The following MDN1 variants were observed in gnomAD, a reference collection of about 807,000 sequenced individuals.
MDN1 encodes midasin.
Under a neutral mutation model 669.2 loss-of-function variants are expected in MDN1, and 266 were observed. That is an observed-to-expected ratio of 0.40 (90% CI 0.36 to 0.44). The LOEUF (loss-of-function observed/expected upper bound fraction) is 0.44, where lower values mean the gene tolerates loss of function less well. Ranked by LOEUF, MDN1 falls within the 20% of genes least tolerant of loss-of-function variation. MDN1 has a pLI of 1.00. For missense variants in MDN1, 5,940 were observed against 6,754.0 expected, an observed-to-expected ratio of 0.88 and a Z score of 4.22; for synonymous variants, 2,385 against 2,457.1, an observed-to-expected ratio of 0.97 and a Z score of 0.87.
chr6:89,728,342 T>A (rs1392386707), intron 36 of MDN1, among the ~76,000 whole-genome samples: 1 of 151,832 alleles, frequency 6.6e-6, no homozygotes, highest in African/African-American at 2.4e-5. Context: ...TACCACTTTT[T>A]AAAAAAAAAT....
At chr6:89,650,338 T>A (rs1051805413) in intron 96 of MDN1, 140 bp from the exon 97 acceptor site, 1 of 795,862 alleles carries the variant, frequency 1.3e-6, no homozygotes, top group African/African-American at 1.7e-5. Flanking sequence ...TTTCTGTCAA[T>A]TGACGACTAA....
At chr6:89,730,524 A>C (rs1408715933) in intron 35 of MDN1, among the ~76,000 whole-genome samples, 1 of 152,222 alleles carries the variant, frequency 6.6e-6, no homozygotes, top group East Asian at 1.9e-4. Context: ...TTATAGATTG[A>C]AGTCTCTATT....
chr6:89,724,201 G>A (rs1186908695), intron 38 of MDN1, among the ~76,000 whole-genome samples: 1 of 152,038 alleles, frequency 6.6e-6, no homozygotes, highest in Non-Finnish European at 1.5e-5. Context: ...AATGTAAAAT[G>A]CTTTTAAATC....
rs190853443 is a variant in MDN1 at position 89,744,217 on chromosome 6, C to T, written c.4179-503G>A. ...CACTAGTTTATCTCTTCTCTACACACGTATAGAATGAATCTCACTGTTTAA... is the reference window on the plus strand; with the variant it reads ...CACTAGTTTATCTCTTCTCTACACATGTATAGAATGAATCTCACTGTTTAA... On this transcript the variant is annotated intron_variant, in intron 29 of 101. Transcript: ENST00000369393. Among the ~76,000 whole-genome samples, 22 of 150,608 alleles carry T rather than the reference C, an allele frequency of 1.5e-4. 1 individual carries two copies. The East Asian group carries it at 4.1e-3, about 28-fold the overall frequency.
At chr6:89,736,562 A>C (rs940563665) in intron 33 of MDN1, among the ~76,000 whole-genome samples, 1 of 152,152 alleles carries the variant, frequency 6.6e-6, no homozygotes, top group Non-Finnish European at 1.5e-5. Flanking sequence ...AGGGCAAAGC[A>C]GGCGGGTCAC....
chr6:89,728,334 C>T (rs983546309), intron 36 of MDN1, among the ~76,000 whole-genome samples: 1 of 152,040 alleles, frequency 6.6e-6, no homozygotes, highest in Non-Finnish European at 1.5e-5. Context: ...TTTATTTCTA[C>T]CACTTTTTAA....
intron 36 of MDN1, among the ~76,000 whole-genome samples, chr6:89,728,448 T>A (rs144093120): frequency 6.6e-6 from 1 of 152,316 alleles, no homozygotes; most frequent in Admixed American, 6.5e-5. Flanking sequence ...CAGAGAGAAT[T>A]AATATTATAG....
intron 9 of MDN1, among the ~76,000 whole-genome samples, chr6:89,783,897 G>A (rs12196083): frequency 0.11 from 17,024 of 151,718 alleles, 1,268 homozygotes; most frequent in Middle Eastern, 0.21. Context: ...CAGGAGAATC[G>A]CTTGAATATG....
chr6:89,707,736 G>A (rs1196974988), intron 51 of MDN1, among the ~76,000 whole-genome samples: 1 of 152,204 alleles, frequency 6.6e-6, no homozygotes, highest in Admixed American at 6.5e-5. Flanking sequence ...ACTGCACCGT[G>A]AACTCTTCAA....
intron 17 of MDN1, among the ~76,000 whole-genome samples, chr6:89,760,071 C>CAA (rs201177302): frequency 6.8e-6 from 1 of 146,720 alleles, no homozygotes. Context: ...GACTCTGTCT[C>CAA]AAAAAAAAAT....
intron 2 of MDN1, among the ~76,000 whole-genome samples, chr6:89,798,181 C>CAAAAAAAAA (rs10706907): frequency 5.6e-5 from 4 of 71,494 alleles, no homozygotes; most frequent in Non-Finnish European, 7.9e-5. Context: ...GACTCTGTCT[C>CAAAAAAAAA]AAAAAAAAAA....
At chr6:89,689,555 G>GA (rs910785422) in intron 65 of MDN1, among the ~76,000 whole-genome samples, 45 of 149,412 alleles carry the variant, frequency 3.0e-4, no homozygotes, top group South Asian at 2.1e-4. Flanking sequence ...TAATGCTAAG[G>GA]AAAAAAAAAC....
rs185271188 is a variant in MDN1, at chr6:89,659,078, A to G, written c.14714-161T>C. 1.2e-3 allele frequency among the ~76,000 whole-genome samples: 190 copies of G among 152,362 alleles called. 2 individuals are homozygous for G. The highest frequency in any genetic ancestry group is 4.5e-3 in the African/African-American group (186 of 41,592). ...CCAAATCTGGCCTCTACATGTTTCT[A>G]TGAAGAAAGTTCTACTGGCTGGGCA... On this transcript the variant is annotated intron_variant, in intron 88 of 101. Coordinates refer to ENST00000369393, the MANE Select transcript of MDN1 (RefSeq NM_014611.3).
intron 57 of MDN1, 45 bp from the exon 58 acceptor site, chr6:89,699,772 A>G: frequency 1.2e-6 from 2 of 1,600,616 alleles, no homozygotes; most frequent in Non-Finnish European, 1.7e-6. Context: ...TGGACTATCA[A>G]TGAACTACTG....
chr6:89,708,113 G>C (rs1477796467), intron 51 of MDN1, among the ~76,000 whole-genome samples: 2 of 152,010 alleles, frequency 1.3e-5, no homozygotes, highest in African/African-American at 4.8e-5. Context: ...ACCAGTCTGG[G>C]CAACATGGCA....
chr6:89,788,102 G>T, intron 7 of MDN1, 145 bp from the exon 8 acceptor site: 4 of 684,476 alleles, frequency 5.8e-6, no homozygotes, highest in Non-Finnish European at 1.0e-5. Flanking sequence ...TCAGTATGCA[G>T]GTGGGAACGT....
At chr6:89,818,044 G>A (rs1768961433) in intron 1 of MDN1, among the ~76,000 whole-genome samples, 1 of 152,240 alleles carries the variant, frequency 6.6e-6, no homozygotes, top group Non-Finnish European at 1.5e-5. Context: ...AGGGCAGGGC[G>A]CTGTGGCTCA....
At position 89,673,752 on chromosome 6, in the gene MDN1, A is replaced by G. The variant is rs552566129; in HGVS notation, c.13248-290T>C. 5.3e-5 allele frequency among the ~76,000 whole-genome samples: 8 copies of G among 152,166 alleles called. No homozygotes were observed. The South Asian group carries it at 1.7e-3, about 32-fold the overall frequency. On this transcript the variant is annotated intron_variant, in intron 79 of 101. Coordinates refer to ENST00000369393, the MANE Select transcript of MDN1 (RefSeq NM_014611.3). ...TTATTCCATTAATTTATTCCAATAA[A>G]TGGTAAATTTATTCCATTAATGATA...
chr6:89,807,378 G>A (rs1262568967), intron 1 of MDN1, among the ~76,000 whole-genome samples: 11 of 152,086 alleles, frequency 7.2e-5, no homozygotes, highest in African/African-American at 2.7e-4. Context: ...GCGCCACCAC[G>A]CAAGGGGGTT....
Sources: allele counts gnomAD v4.1 joint callset (sites outside exome capture counted in the v4.1 genomes callset), GRCh38; gene constraint gnomAD v4.1.1; transcripts MANE v1.5; gene names NCBI Gene and HGNC (gene_info 2026-07-23, HGNC 2026-07-21).